Variants in IL33 observed in about 807,000 individuals in gnomAD.
IL33 encodes the protein interleukin-33.
A neutral mutation model predicts 27.3 loss-of-function variants in IL33; 37 were observed. The observed-to-expected ratio is 1.36, with a 90% CI of 1.04 to 1.78. IL33 has a LOEUF of 1.78. Among genes scored for constraint, IL33 ranks in the 40% most tolerant of loss-of-function variants. IL33 has a pLI of 0.00. For missense variants in IL33, 406 were observed against 311.4 expected (o/e 1.30, Z -2.29); for synonymous variants, 132 against 102.9 (o/e 1.28, Z -1.71).
chr9:6,248,936 A>C (rs1157171869), intron 2 of IL33, among the ~76,000 whole-genome samples: 3 of 152,232 alleles, frequency 2.0e-5, no homozygotes, highest in African/African-American at 4.8e-5. Context: ...ATAGTAGCAG[A>C]AAATGAATTA....
At chr9:6,237,260 A>G (rs1819273722) in intron 1 of IL33, among the ~76,000 whole-genome samples, 1 of 152,262 alleles carries the variant, frequency 6.6e-6, no homozygotes, top group African/African-American at 2.4e-5. Flanking sequence ...ATATAAAAAT[A>G]GGGGAGTAAT....
intron 2 of IL33, among the ~76,000 whole-genome samples, chr9:6,247,849 C>G (rs1054111279): frequency 6.6e-6 from 1 of 151,862 alleles, no homozygotes; most frequent in African/African-American, 2.4e-5. Context: ...TGTAGTAACC[C>G]CCATCCTTGA....
chr9:6,252,428 G>C (rs1356961327), intron 4 of IL33, among the ~76,000 whole-genome samples: 1 of 152,112 alleles, frequency 6.6e-6, no homozygotes, highest in Admixed American at 6.6e-5. Flanking sequence ...AGAGAACAGG[G>C]CTTATATCCG....
At chr9:6,250,963 G>A (rs1816317432) in intron 3 of IL33, among the ~76,000 whole-genome samples, 177 bp from the exon 4 acceptor site, 1 of 152,098 alleles carries the variant, frequency 6.6e-6, no homozygotes. Context: ...TCTAATGAGT[G>A]TGCTTCTACT....
intron 1 of IL33, among the ~76,000 whole-genome samples, chr9:6,224,711 A>T (rs1322066986): frequency 6.6e-6 from 1 of 152,196 alleles, no homozygotes; most frequent in Non-Finnish European, 1.5e-5. Context: ...ATAATTTTTC[A>T]TGCATACATG....
chr9:6,241,801 A>G lies in IL33; in HGVS notation c.91+16A>G. ...AAGCTGGGAAGTAAGGACTTAAGTT[A>G]TCTCTGAATGTTTTACGCACTATTT... is the stretch of plus-strand genomic sequence containing the variant. On this transcript the variant is annotated intron_variant, in intron 2 of 7. Transcript: ENST00000682010. 1.9e-6 allele frequency: 3 copies of G among 1,560,844 alleles called. No homozygotes were observed. The South Asian group carries it at 3.4e-5, about 18-fold the overall frequency.
intron 1 of IL33, among the ~76,000 whole-genome samples, chr9:6,222,070 C>T (rs1472798275): frequency 1.3e-5 from 2 of 152,116 alleles, no homozygotes; most frequent in Non-Finnish European, 2.9e-5. Context: ...AGCTTCCAGA[C>T]CTTTGAGTTG....
intron 3 of IL33, 115 bp downstream of exon 3, chr9:6,250,714 T>A: frequency 1.6e-6 from 2 of 1,232,966 alleles, no homozygotes; most frequent in Non-Finnish European, 2.2e-6. Flanking sequence ...TGGAAAATAT[T>A]AAGAATGATG....
Position 6,255,989 on chromosome 9 carries a change from C to A in IL33, c.634C>A (p.Leu212Met). 1 of 1,613,624 alleles carries A rather than the reference C, an allele frequency of 6.2e-7. No individual in the cohort carries two copies. The highest frequency in any genetic ancestry group is 1.1e-5 in the South Asian group (1 of 91,064). Residue 212 changes from leucine (L) to methionine (M), a missense_variant, in exon 8 of 8, where the codon CTG becomes ATG. Leu to Met is a conservative substitution (Grantham distance 15). Coordinates refer to ENST00000682010, the MANE Select transcript of IL33 (RefSeq NM_033439.4). ...SVELHKCEKP[L>M]PDQAFFVLHN... ...TCAGCTCCATAAGTGTGAAAAACCA[C>A]TGCCAGACCAGGCCTTCTTTGTCCT...
intron 1 of IL33, among the ~76,000 whole-genome samples, chr9:6,221,671 C>T (rs899451227): frequency 1.3e-5 from 2 of 152,092 alleles, no homozygotes; most frequent in African/African-American, 4.8e-5. Flanking sequence ...GGTTTAGACC[C>T]GTTGGTTCTC....
chr9:6,240,379 C>A (rs1407409626), intron 1 of IL33, among the ~76,000 whole-genome samples: 1 of 152,096 alleles, frequency 6.6e-6, no homozygotes, highest in Non-Finnish European at 1.5e-5. Context: ...TAAAAGACTA[C>A]AGTCAACTGG....
chr9:6,241,817 C>A (rs111612090), intron 2 of IL33, 32 bp downstream of exon 2: 2 of 1,437,334 alleles, frequency 1.4e-6, no homozygotes, highest in Non-Finnish European at 1.9e-6. Flanking sequence ...GAATGTTTTA[C>A]GCACTATTTT....
chr9:6,255,359 A>G (rs910700977), intron 7 of IL33, among the ~76,000 whole-genome samples: 3 of 152,182 alleles, frequency 2.0e-5, no homozygotes, highest in Admixed American at 6.6e-5. Context: ...CTAAACATAT[A>G]TAATCTAGTG....
At chr9:6,239,631 T>A (rs1446533567) in intron 1 of IL33, among the ~76,000 whole-genome samples, 1 of 152,082 alleles carries the variant, frequency 6.6e-6, no homozygotes, top group Non-Finnish European at 1.5e-5. Flanking sequence ...CTTTCTCTCC[T>A]TCTTTCATTT....
At chr9:6,215,607 T>G (rs1818101409), upstream of IL33, among the ~76,000 whole-genome samples, 1 of 152,164 alleles carries the variant, frequency 6.6e-6, no homozygotes, top group Non-Finnish European at 1.5e-5. Flanking sequence ...AGAATCATAA[T>G]TGCTGGTTTA....
chr9:6,236,088 G>C (rs1819192914), intron 1 of IL33, among the ~76,000 whole-genome samples: 1 of 146,378 alleles, frequency 6.8e-6, no homozygotes, highest in African/African-American at 2.6e-5. Flanking sequence ...GGCAATATTA[G>C]AAAACAAAAA....
rs552078691 is a variant in IL33 at position 6,257,309 on chromosome 9, G to A, written c.*1141G>A. The A allele has an allele frequency of 6.6e-6, 1 of 152,282 alleles. No individual in the cohort carries two copies. Among genetic ancestry groups the A allele is most frequent in the Admixed American group, 6.5e-5 (1 of 15,272 alleles). The allele number at this position is 152,282 out of a possible 1,614,324, so 9.4% of individuals were successfully genotyped here. A position where few individuals can be genotyped will look rare whatever the true frequency, so the allele number is the denominator to read the frequency against. ...ACTGCTTACTGTGGAATATTCATTT[G>A]ACATCTGTCTCTTTTCATTTCTTTT... On this transcript the variant is annotated 3_prime_UTR_variant, in exon 8 of 8. Transcript: ENST00000682010.
At chr9:6,222,377 G>C (rs1266204386) in intron 1 of IL33, among the ~76,000 whole-genome samples, 2 of 152,196 alleles carry the variant, frequency 1.3e-5, no homozygotes, top group Non-Finnish European at 2.9e-5. Context: ...AGAGAAATAA[G>C]AAAGGAACCA....
intron 1 of IL33, among the ~76,000 whole-genome samples, chr9:6,221,336 A>G (rs1487990684): frequency 6.6e-6 from 1 of 152,162 alleles, no homozygotes; most frequent in Admixed American, 6.5e-5. Flanking sequence ...ATTAACTCAA[A>G]GGAGTATAAG....
Sources: gnomAD v4.1 joint callset for allele counts (sites outside exome capture counted in the v4.1 genomes callset) on GRCh38, gnomAD v4.1.1 for gene constraint, MANE v1.5 for transcripts, NCBI Gene and HGNC (gene_info 2026-07-23, HGNC 2026-07-21) for gene names.